Variants in CNTLN observed in about 807,000 individuals in gnomAD.
CNTLN encodes centlein, centrosomal protein.
CNTLN carries 212 observed loss-of-function variants against 180.0 expected under a neutral mutation model. The observed-to-expected ratio is 1.18, with a 90% CI of 1.05 to 1.32. The LOEUF is 1.32. Ranked by LOEUF, CNTLN falls within the 40% of genes most tolerant of loss-of-function variation. The pLI, the probability that CNTLN is intolerant of heterozygous loss-of-function variation, is 0.00. For missense variants in CNTLN, 2,095 were observed against 1,610.9 expected (o/e 1.30, Z -5.14); for synonymous variants, 722 against 563.1 (o/e 1.28, Z -3.99).
chr9:17,490,225 C>T (rs1833084330), intron 25 of CNTLN, among the ~76,000 whole-genome samples: 1 of 151,900 alleles, frequency 6.6e-6, no homozygotes, highest in Non-Finnish European at 1.5e-5. Flanking sequence ...AGACTGGGAG[C>T]AAAAAGGTTC....
intron 2 of CNTLN, among the ~76,000 whole-genome samples, chr9:17,155,758 T>G (rs1819235259): frequency 6.6e-6 from 1 of 151,832 alleles, no homozygotes; most frequent in Admixed American, 6.6e-5. Flanking sequence ...CTCTCTGGCT[T>G]GTGTTCTGGG....
Position 17,298,177 on chromosome 9 carries a change from T to C in CNTLN, c.984-13T>C, listed in dbSNP as rs765194524. 6 of 1,423,008 alleles carry C rather than the reference T, an allele frequency of 4.2e-6. No homozygotes were observed. In the East Asian group the frequency reaches 1.6e-4, roughly 37 times the overall value. The allele number at this position is 1,423,008 out of a possible 1,614,324, so 88.1% of individuals were successfully genotyped here. Reference sequence around the variant, plus strand: ...ATCCATACTTTTCTCTATTTATTGCTTGCTTTGCACAGGAAGGAACTGCAG... The same window carrying C: ...ATCCATACTTTTCTCTATTTATTGCCTGCTTTGCACAGGAAGGAACTGCAG... On this transcript the variant is annotated splice_polypyrimidine_tract_variant and intron_variant, in intron 6 of 25. Coordinates refer to ENST00000380647, the MANE Select transcript of CNTLN (RefSeq NM_017738.4).
At chr9:17,293,940 A>G (rs1175244590) in intron 6 of CNTLN, among the ~76,000 whole-genome samples, 1 of 152,134 alleles carries the variant, frequency 6.6e-6, no homozygotes, top group African/African-American at 2.4e-5. Flanking sequence ...GCAGGGTAGT[A>G]GTGTGTCCAG....
chr9:17,384,744 GC>G (rs1825555679), intron 13 of CNTLN, among the ~76,000 whole-genome samples: 2 of 152,054 alleles, frequency 1.3e-5, no homozygotes, highest in African/African-American at 4.8e-5. Context: ...GCTGATTATT[GC>G]CTATTTATCC....
At chr9:17,310,339 A>G (rs191673214) in intron 8 of CNTLN, among the ~76,000 whole-genome samples, 1 of 152,256 alleles carries the variant, frequency 6.6e-6, no homozygotes. Context: ...TGTGTTGTTT[A>G]TGGGGTTAGG....
chr9:17,400,618 A>G (rs1474514190), intron 15 of CNTLN, among the ~76,000 whole-genome samples: 1 of 152,214 alleles, frequency 6.6e-6, no homozygotes, highest in Non-Finnish European at 1.5e-5. Flanking sequence ...TCATATTCAT[A>G]GATACGTTGT....
chr9:17,294,764 C>A (rs1265298208), intron 6 of CNTLN, among the ~76,000 whole-genome samples: 1 of 95,416 alleles, frequency 1.0e-5, no homozygotes, highest in Admixed American at 1.1e-4. Context: ...CGCAGGAGCC[C>A]ACCGCGGGGG....
rs748828052 is a variant in CNTLN at position 17,464,636 on chromosome 9, A to T, written c.3531+13A>T. The T allele has an allele frequency of 1.4e-6, 2 of 1,397,826 alleles. No homozygotes were observed. Among genetic ancestry groups the T allele is most frequent in the Non-Finnish European group, 9.6e-7 (1 of 1,037,424 alleles). 86.6% of individuals were successfully genotyped at this position (1,397,826 alleles called of 1,614,324 possible). A position where few individuals can be genotyped will look rare whatever the true frequency, so the allele number is the denominator to read the frequency against. On this transcript the variant is annotated intron_variant, in intron 21 of 25. Coordinates refer to ENST00000380647, the MANE Select transcript of CNTLN (RefSeq NM_017738.4). ...TCTTGATAAAAAGGTATCAATTTTT[A>T]TCTTTACTGACACTAAAAATATCAC...
intron 2 of CNTLN, among the ~76,000 whole-genome samples, chr9:17,225,189 A>G (rs1824388663): frequency 1.3e-5 from 2 of 151,940 alleles, no homozygotes; most frequent in African/African-American, 2.4e-5. Flanking sequence ...GTTCTAGGCA[A>G]GGATGGGCAG....
the CNTLN span, among the ~76,000 whole-genome samples, chr9:17,513,891 C>T: frequency 1.3e-5 from 2 of 152,002 alleles, no homozygotes; most frequent in African/African-American, 4.8e-5. Context: ...AAACATGCAA[C>T]ATTAGTAATT....
At chr9:17,143,908 C>G (rs761112222) in intron 2 of CNTLN, among the ~76,000 whole-genome samples, 4 of 152,130 alleles carry the variant, frequency 2.6e-5, no homozygotes, top group Non-Finnish European at 5.9e-5. Context: ...TGGGCCTCTC[C>G]TTGGTTATTA....
intron 13 of CNTLN, among the ~76,000 whole-genome samples, chr9:17,367,480 G>A (rs1194109929): frequency 2.0e-5 from 3 of 152,108 alleles, no homozygotes; most frequent in Non-Finnish European, 4.4e-5. Context: ...AGTGGACTTG[G>A]GTGGCATGTG....
At chr9:17,467,446 T>G (rs985837209) in intron 23 of CNTLN, among the ~76,000 whole-genome samples, 1 of 151,668 alleles carries the variant, frequency 6.6e-6, no homozygotes, top group African/African-American at 2.4e-5. Flanking sequence ...TAATAACATT[T>G]TATGCCACTA....
chr9:17,198,534 A>AT (rs71304884), intron 2 of CNTLN, among the ~76,000 whole-genome samples: 4,219 of 98,050 alleles, frequency 0.043, 81 homozygotes, highest in African/African-American at 0.066. Flanking sequence ...TACTTTCTTG[A>AT]TTTTTTTTTT....
chr9:17,213,926 T>G lies in CNTLN; in HGVS notation c.450-12277T>G, dbSNP rs551264911. Among the ~76,000 whole-genome samples the G allele has an allele frequency of 5.3e-5, 8 of 152,304 alleles. No individual in the cohort carries two copies. In the South Asian group the frequency reaches 1.7e-3, roughly 32 times the overall value. ...TTCTTGGTAGATCTTCCTCCTTCCC[T>G]TTATTTTGAGCGTATGTGTGTCTTT... On this transcript the variant is annotated intron_variant, in intron 2 of 25. Coordinates refer to ENST00000380647, the MANE Select transcript of CNTLN (RefSeq NM_017738.4).
At chr9:17,482,454 A>G (rs1832699384) in intron 23 of CNTLN, among the ~76,000 whole-genome samples, 1 of 152,192 alleles carries the variant, frequency 6.6e-6, no homozygotes, top group South Asian at 2.1e-4. Context: ...ATAAAGACCT[A>G]AACAAATGGA....
intron 2 of CNTLN, among the ~76,000 whole-genome samples, chr9:17,155,153 A>C (rs1819180778): frequency 1.3e-5 from 2 of 152,204 alleles, no homozygotes; most frequent in South Asian, 4.1e-4. Context: ...ACACATCTGA[A>C]CATCTGAAGG....
At chr9:17,199,350 T>C (rs1003106197) in intron 2 of CNTLN, among the ~76,000 whole-genome samples, 1 of 151,896 alleles carries the variant, frequency 6.6e-6, no homozygotes, top group Non-Finnish European at 1.5e-5. Context: ...TAGCTGGGAC[T>C]ACAGGCATGT....
intron 2 of CNTLN, among the ~76,000 whole-genome samples, chr9:17,218,029 T>G (rs1823880010): frequency 6.6e-6 from 1 of 152,190 alleles, no homozygotes; most frequent in East Asian, 1.9e-4. Flanking sequence ...AATTTACAGA[T>G]TCAGATTCAC....
Sources: allele counts gnomAD v4.1 joint callset (sites outside exome capture counted in the v4.1 genomes callset), GRCh38; gene constraint gnomAD v4.1.1; transcripts MANE v1.5; gene names NCBI Gene and HGNC (gene_info 2026-07-23, HGNC 2026-07-21).